The following NPAS3 variants were observed in gnomAD, a reference collection of about 807,000 sequenced individuals.
The protein encoded by NPAS3 is neuronal PAS domain-containing protein 3.
A neutral mutation model predicts 73.1 loss-of-function variants in NPAS3; 14 were observed. The ratio of observed to expected loss-of-function variants is 0.19; its 90% CI spans 0.13 to 0.30. The LOEUF (loss-of-function observed/expected upper bound fraction) is 0.30. Ranked by LOEUF, NPAS3 falls within the 10% of genes least tolerant of loss-of-function variation. The pLI, the probability that NPAS3 is intolerant of heterozygous loss-of-function variation, is 1.00. For missense variants in NPAS3, 1,096 were observed against 1,250.0 expected (o/e 0.88, Z 1.86); for synonymous variants, 620 against 541.5 (o/e 1.14, Z -2.01).
chr14:33,031,686 A>T (rs1013734456), intron 1 of NPAS3, among the ~76,000 whole-genome samples: 9 of 152,294 alleles, frequency 5.9e-5, no homozygotes, highest in African/African-American at 1.7e-4. Flanking sequence ...ATGGGGCCTC[A>T]CAGTGTTGCC....
At chr14:33,637,545 A>G (rs1027920193) in intron 5 of NPAS3, among the ~76,000 whole-genome samples, 8 of 152,228 alleles carry the variant, frequency 5.3e-5, no homozygotes, top group South Asian at 4.1e-4. Context: ...GAAAAAAGTT[A>G]TAAGGAGATT....
intron 5 of NPAS3, among the ~76,000 whole-genome samples, chr14:33,567,347 A>G (rs1454723617): frequency 6.6e-6 from 1 of 152,210 alleles, no homozygotes; most frequent in Non-Finnish European, 1.5e-5. Context: ...CCCAACACTC[A>G]TTCCAGATTC....
intron 10 of NPAS3, 103 bp from the exon 11 acceptor site, chr14:33,797,354 C>T: frequency 2.3e-6 from 3 of 1,296,916 alleles, no homozygotes; most frequent in Middle Eastern, 2.3e-4. Flanking sequence ...TTGAAACTTT[C>T]TAAACTCCAG....
At chr14:33,134,068 A>T (rs1333197356) in intron 2 of NPAS3, among the ~76,000 whole-genome samples, 1 of 152,130 alleles carries the variant, frequency 6.6e-6, no homozygotes, top group African/African-American at 2.4e-5. Context: ...AAATTCATTG[A>T]TAAACTACAC....
intron 5 of NPAS3, among the ~76,000 whole-genome samples, chr14:33,655,002 C>T (rs1386762588): frequency 1.2e-4 from 18 of 152,194 alleles, no homozygotes; most frequent in Admixed American, 1.0e-3. Context: ...TTTACACACA[C>T]GATCTCATTC....
At chr14:33,561,058 GAAAACACT>G (rs1334194304) in intron 5 of NPAS3, among the ~76,000 whole-genome samples, 7 of 152,184 alleles carry the variant, frequency 4.6e-5, no homozygotes, top group African/African-American at 1.7e-4. Context: ...TTGGCATGAG[GAAAACACT>G]GCCTCAGTGG....
intron 4 of NPAS3, among the ~76,000 whole-genome samples, chr14:33,515,397 A>G (rs896116698): frequency 5.9e-5 from 9 of 152,042 alleles, no homozygotes; most frequent in Non-Finnish European, 1.3e-4. Flanking sequence ...CTACTAAAAC[A>G]CTTATTAATG....
At chr14:33,734,851 T>C (rs1344722059) in intron 6 of NPAS3, among the ~76,000 whole-genome samples, 1 of 152,110 alleles carries the variant, frequency 6.6e-6, no homozygotes, top group African/African-American at 2.4e-5. Flanking sequence ...TGCCTGTACC[T>C]TAGTTGACCT....
chr14:33,685,224 G>A (rs539419773), intron 6 of NPAS3, among the ~76,000 whole-genome samples: 1 of 152,294 alleles, frequency 6.6e-6, no homozygotes, highest in East Asian at 1.9e-4. Context: ...ACACAATGCG[G>A]AAGCGTGGTA....
At chr14:33,533,055 T>C (rs1226049329) in intron 4 of NPAS3, among the ~76,000 whole-genome samples, 1 of 152,064 alleles carries the variant, frequency 6.6e-6, no homozygotes, top group Non-Finnish European at 1.5e-5. Context: ...ATAATAAACA[T>C]AACTGTAAAC....
intron 3 of NPAS3, among the ~76,000 whole-genome samples, chr14:33,225,383 T>C (rs1315537504): frequency 1.3e-5 from 2 of 152,198 alleles, no homozygotes; most frequent in African/African-American, 4.8e-5. Context: ...ATTCTTCCAG[T>C]CTTGGTCAAA....
At chr14:33,081,735 A>C (rs1345122898) in intron 2 of NPAS3, among the ~76,000 whole-genome samples, 2 of 152,210 alleles carry the variant, frequency 1.3e-5, no homozygotes, top group East Asian at 3.9e-4. Flanking sequence ...TATTCCCCAG[A>C]ACTGGACAGC....
At chr14:33,792,233 C>T (rs560030753) in intron 9 of NPAS3, among the ~76,000 whole-genome samples, 16 of 152,144 alleles carry the variant, frequency 1.1e-4, no homozygotes, top group Admixed American at 4.6e-4. Flanking sequence ...TGTGGAGCCA[C>T]GCCACCAAGA....
intron 7 of NPAS3, among the ~76,000 whole-genome samples, chr14:33,753,475 C>G (rs1021026773): frequency 6.6e-6 from 1 of 151,970 alleles, no homozygotes; most frequent in African/African-American, 2.4e-5. Context: ...CTATAAATTC[C>G]ATCACTGATT....
chr14:33,173,417 C>T (rs1221456794), intron 2 of NPAS3, among the ~76,000 whole-genome samples: 1 of 151,926 alleles, frequency 6.6e-6, no homozygotes, highest in Non-Finnish European at 1.5e-5. Context: ...AGGAACTGTC[C>T]TATTTGGTTC....
chr14:33,534,439 T>G (rs1251665827), intron 4 of NPAS3, among the ~76,000 whole-genome samples: 1 of 152,092 alleles, frequency 6.6e-6, no homozygotes, highest in Non-Finnish European at 1.5e-5. Flanking sequence ...TTGAATGACA[T>G]AGTTGCTAGG....
Position 33,463,994 on chromosome 14 carries a change from C to A in NPAS3, c.469-96127C>A, listed in dbSNP as rs17101288. Among the ~76,000 whole-genome samples the A allele has an allele frequency of 2.6e-3, 389 of 152,244 alleles. 2 individuals are homozygous for A. Among genetic ancestry groups the A allele is most frequent in the African/African-American group, 8.8e-3 (365 of 41,532 alleles). ...GCAAATCCAAAATATGTGCTCCAGC[C>A]AGAAGGTTACTGCTGAGTGTGCCCG... On this transcript the variant is annotated intron_variant, in intron 4 of 11. Coordinates refer to ENST00000356141, the Ensembl canonical transcript of NPAS3.
intron 1 of NPAS3, among the ~76,000 whole-genome samples, chr14:32,973,070 G>T (rs2037505293): frequency 6.6e-6 from 1 of 152,146 alleles, no homozygotes; most frequent in South Asian, 2.1e-4. Context: ...TTAGGGTGGG[G>T]AAAATGATTT....
intron 5 of NPAS3, among the ~76,000 whole-genome samples, chr14:33,668,197 T>C (rs1349973238): frequency 6.6e-6 from 1 of 152,226 alleles, no homozygotes; most frequent in Non-Finnish European, 1.5e-5. Context: ...GTTTTGCTAT[T>C]GTTTTTTCGC....
Sources: gnomAD v4.1 joint callset for allele counts (sites outside exome capture counted in the v4.1 genomes callset) on GRCh38, gnomAD v4.1.1 for gene constraint, MANE v1.5 for transcripts, NCBI Gene and HGNC (gene_info 2026-07-23, HGNC 2026-07-21) for gene names.